Variants in ATP13A3 observed in about 807,000 individuals in gnomAD.
The protein encoded by ATP13A3 is ATPase 13A3.
ATP13A3 carries 59 observed loss-of-function variants against 158.1 expected under a neutral mutation model. The observed-to-expected ratio is 0.37, with a 90% CI of 0.30 to 0.46. The LOEUF (loss-of-function observed/expected upper bound fraction) is 0.46, where lower values mean the gene tolerates loss of function less well. Among genes scored for constraint, ATP13A3 ranks in the 20% least tolerant of loss-of-function variants. ATP13A3 has a pLI of 1.00. For missense variants in ATP13A3, 1,166 were observed against 1,525.2 expected, an observed-to-expected ratio of 0.76 and a Z score of 3.92; for synonymous variants, 491 against 504.3, an observed-to-expected ratio of 0.97 and a Z score of 0.35.
In ATP13A3 at chr3:194,419,941, A is replaced by C. The variant is rs1716169464; in HGVS notation, c.3340T>G (p.Leu1114Val). 6.5e-7 allele frequency: 1 copy of C among 1,534,886 alleles called. No homozygotes were observed. The highest frequency in any genetic ancestry group is 2.4e-5 in the Admixed American group (1 of 42,102). Residue 1114 changes from leucine (L) to valine (V), a missense_variant, in exon 31 of 34, where the codon TTA (leucine) becomes GTA (valine). This residue lies in a region of ATP13A3 where 997 missense variants were observed against 1,341.2 expected (regional missense o/e 0.74). Transcript: ENST00000645319. ...ATGATGAATAATATAAAAATATATAAAAAAATCACAGAAAAAACAAAAAAA... is the reference window on the plus strand; with the variant it reads ...ATGATGAATAATATAAAAATATATACAAAAATCACAGAAAAAACAAAAAAA... ...NYFFVFSVIFLYIFILFIMLY... is the reference protein window; with the variant it reads ...NYFFVFSVIFVYIFILFIMLY...
intron 2 of ATP13A3, among the ~76,000 whole-genome samples, chr3:194,485,258 T>C (rs538369074): frequency 6.6e-6 from 1 of 152,214 alleles, no homozygotes; most frequent in Non-Finnish European, 1.5e-5. Flanking sequence ...ATAGGTTTAC[T>C]ACTTCGAACA....
chr3:194,408,710 C>T (rs138338356), intron 33 of ATP13A3, among the ~76,000 whole-genome samples: 1 of 152,114 alleles, frequency 6.6e-6, no homozygotes, highest in African/African-American at 2.4e-5. Flanking sequence ...TAATTGGAAA[C>T]ATTTTGTTCC....
chr3:194,461,212 T>C (rs1719636950), intron 3 of ATP13A3, among the ~76,000 whole-genome samples: 1 of 152,192 alleles, frequency 6.6e-6, no homozygotes. Flanking sequence ...ATAAACATTT[T>C]ATTTTGAAAT....
Position 194,413,781 on chromosome 3 carries a change from G to A in ATP13A3, c.3461C>T (p.Ala1154Val). 1 of 1,613,642 alleles carries A rather than the reference G, an allele frequency of 6.2e-7. No individual in the cohort carries two copies. The highest frequency in any genetic ancestry group is 8.5e-7 in the Non-Finnish European group (1 of 1,179,616). ...TACCTCCACTGTGATAGACACAAAG[G>A]CATTGACAAGAACAATGATGAGCAT... ...VTMLIIVLVN[A>V]FVSITVENFF... Residue 1154 changes from alanine to valine, a missense_variant, in exon 32 of 34, where the codon GCC (alanine) becomes GTC (valine). Ala to Val is a moderately conservative substitution (Grantham distance 64). Coordinates refer to ENST00000645319, the MANE Select transcript of ATP13A3 (RefSeq NM_001367549.1).
chr3:194,465,250 G>A (rs1433985807), intron 2 of ATP13A3, among the ~76,000 whole-genome samples: 2 of 152,184 alleles, frequency 1.3e-5, no homozygotes, highest in African/African-American at 4.8e-5. Context: ...AGGGAGCCCA[G>A]CAGTTTCCCT....
At chr3:194,428,347 A>G (rs975508052) in intron 28 of ATP13A3, among the ~76,000 whole-genome samples, 2 of 152,172 alleles carry the variant, frequency 1.3e-5, no homozygotes, top group Non-Finnish European at 2.9e-5. Flanking sequence ...TTTATCATCT[A>G]CTAAAGATAA....
intron 6 of ATP13A3, among the ~76,000 whole-genome samples, chr3:194,458,710 TC>T (rs1232421665): frequency 6.6e-6 from 1 of 152,124 alleles, no homozygotes; most frequent in Non-Finnish European, 1.5e-5. Context: ...AGGCAATAGT[TC>T]TTAATCAGGA....
intron 2 of ATP13A3, 24 bp from the exon 3 acceptor site, chr3:194,462,260 G>A (rs984896978): frequency 7.2e-6 from 10 of 1,387,874 alleles, no homozygotes; most frequent in Admixed American, 1.7e-5. Flanking sequence ...GGGAACAGAC[G>A]TTAGGGAACT....
intron 30 of ATP13A3, among the ~76,000 whole-genome samples, chr3:194,424,044 G>T (rs566714698): frequency 4.0e-5 from 6 of 151,618 alleles, no homozygotes; most frequent in African/African-American, 1.5e-4. Flanking sequence ...GTATACCAAT[G>T]CTAATGATTA....
Position 194,425,367 on chromosome 3 carries a change from G to C in ATP13A3, c.3288C>G (p.Pro1096=), listed in dbSNP as rs750613950. The change falls in exon 30 of 34, where the codon CCC becomes CCG. Residue 1096 remains proline (P), a synonymous_variant. Transcript: ENST00000645319. ...AATTTTTGTAGCAAGGTTGCCTGAA[G>C]GGTTTTCCTTTTGAAAAGGCAATTG... ...IVAIAFSKGK[P]FRQPCYKNYF... The C allele has an allele frequency of 6.2e-7, 1 of 1,612,762 alleles. No homozygotes were observed. The highest frequency in any genetic ancestry group is 1.1e-5 in the South Asian group (1 of 90,560).
intron 30 of ATP13A3, 186 bp from the exon 31 acceptor site, chr3:194,420,153 G>C (rs2108765327): frequency 4.4e-6 from 2 of 450,236 alleles, no homozygotes; most frequent in East Asian, 5.7e-5. Context: ...GCACCCAAAA[G>C]ATTCACATAC....
intron 2 of ATP13A3, among the ~76,000 whole-genome samples, chr3:194,483,822 T>C (rs1036978009): frequency 2.0e-5 from 3 of 152,214 alleles, no homozygotes; most frequent in African/African-American, 7.2e-5. Flanking sequence ...GCAGCCCTGT[T>C]CTGCAAGAAG....
chr3:194,467,656 C>G (rs146737806), intron 2 of ATP13A3, among the ~76,000 whole-genome samples: 407 of 152,202 alleles, frequency 2.7e-3, no homozygotes, highest in African/African-American at 9.5e-3. Context: ...GCGACAACTC[C>G]AACAGCTCTT....
At position 194,430,161 on chromosome 3, in the gene ATP13A3, T is replaced by C. The variant is rs575421029; in HGVS notation, c.2688A>G (p.Gly896=). 4.3e-6 allele frequency: 7 copies of C among 1,614,088 alleles called. No homozygotes were observed. The highest frequency in any genetic ancestry group is 5.9e-6 in the Non-Finnish European group (7 of 1,179,982). Residue 896 remains glycine (G), a synonymous_variant, in exon 26 of 34, where the codon GGA becomes GGG. Coordinates refer to ENST00000645319, the MANE Select transcript of ATP13A3 (RefSeq NM_001367549.1). ...CTTCGAGCTCCGATAAGGAAATGCC[T>C]CCGTGTGCCCTCTTCAAAGCCTAAT... ...NDCGALKRAH[G]GISLSELEAS...
Position 194,405,438 on chromosome 3 carries a change from C to T in ATP13A3, c.*481G>A, listed in dbSNP as rs911775547. The T allele has an allele frequency of 2.6e-5, 4 of 155,550 alleles. No individual in the cohort carries two copies. Among genetic ancestry groups the T allele is most frequent in the African/African-American group, 9.6e-5 (4 of 41,474 alleles). The allele number at this position is 155,550 out of a possible 1,614,324, so 9.6% of individuals were successfully genotyped here. On this transcript the variant is annotated 3_prime_UTR_variant, in exon 34 of 34. Transcript: ENST00000645319. Reference sequence around the variant, plus strand: ...AAGAAACATTGGAATCAAATGAAAACAGGCTTTCAGTATATTTTCACTGGA... The same window carrying T: ...AAGAAACATTGGAATCAAATGAAAATAGGCTTTCAGTATATTTTCACTGGA...
intron 16 of ATP13A3, 74 bp from the exon 17 acceptor site, chr3:194,439,046 G>T: frequency 1.0e-6 from 1 of 956,726 alleles, no homozygotes; most frequent in Non-Finnish European, 1.5e-6. Context: ...TGAATTCATG[G>T]TTCCATTTTT....
At chr3:194,447,306 C>G (rs1368276393) in intron 13 of ATP13A3, among the ~76,000 whole-genome samples, 191 bp from the exon 14 acceptor site, 2 of 152,054 alleles carry the variant, frequency 1.3e-5, no homozygotes, top group Non-Finnish European at 2.9e-5. Flanking sequence ...TAAAAAAGCT[C>G]AATGGATTAT....
At chr3:194,471,555 T>G (rs1428754661) in intron 2 of ATP13A3, among the ~76,000 whole-genome samples, 1 of 152,094 alleles carries the variant, frequency 6.6e-6, no homozygotes, top group Non-Finnish European at 1.5e-5. Context: ...GGTTTCACTA[T>G]ATTGCCCAGG....
intron 31 of ATP13A3, among the ~76,000 whole-genome samples, chr3:194,414,289 C>T (rs986526053): frequency 1.2e-4 from 18 of 151,942 alleles, no homozygotes; most frequent in Admixed American, 1.1e-3. Flanking sequence ...ATGGCAAAAT[C>T]TCGTCTCTAC....
Sources: allele counts gnomAD v4.1 joint callset (sites outside exome capture counted in the v4.1 genomes callset), GRCh38; gene constraint gnomAD v4.1.1; regional missense constraint gnomAD v4.1.1; transcripts MANE v1.5; gene names NCBI Gene and HGNC (gene_info 2026-07-23, HGNC 2026-07-21).